Variants in KALRN observed in about 807,000 individuals in gnomAD.
KALRN encodes the protein kalirin RhoGEF kinase.
A neutral mutation model predicts 353.7 loss-of-function variants in KALRN; 70 were observed. The ratio of observed to expected loss-of-function variants is 0.20; its 90% CI spans 0.16 to 0.24. The LOEUF (loss-of-function observed/expected upper bound fraction) is 0.24. Ranked by LOEUF, KALRN falls within the 10% of genes least tolerant of loss-of-function variation. The pLI is 1.00. For missense variants in KALRN, 2,791 were observed against 3,756.7 expected (o/e 0.74, Z 6.72); for synonymous variants, 1,391 against 1,434.8 (o/e 0.97, Z 0.69).
intron 25 of KALRN, among the ~76,000 whole-genome samples, chr3:124,467,989 C>T (rs982658298): frequency 6.6e-6 from 1 of 151,720 alleles, no homozygotes; most frequent in Admixed American, 6.6e-5. Flanking sequence ...TAGGTAGATC[C>T]ATCTGCGGAA....
At position 124,170,831 on chromosome 3, in the gene KALRN, C is replaced by CTTTTTTT. The variant is rs752783614; in HGVS notation, c.74-57126_74-57120dup. On this transcript the variant is annotated intron_variant, in intron 1 of 59. Transcript: ENST00000682506. ...TATAAACTCCTTCCACTTCCACATT[C>CTTTTTTT]TTTTTTTTTTTTTTTTTTTTTTTTT... 1.0e-3 allele frequency among the ~76,000 whole-genome samples: 48 copies of CTTTTTTT among 47,144 alleles called. 9 individuals carry two copies. The highest frequency in any genetic ancestry group is 1.4e-3 in the African/African-American group (18 of 12,580). 30.9% of individuals were successfully genotyped at this position (47,144 alleles called of 152,430 possible).
chr3:124,227,397 A>T (rs1406028154), intron 1 of KALRN, among the ~76,000 whole-genome samples: 2 of 152,102 alleles, frequency 1.3e-5, no homozygotes, highest in Non-Finnish European at 2.9e-5. Flanking sequence ...TGGGGAGAGG[A>T]GTATTGTCAT....
intron 29 of KALRN, among the ~76,000 whole-genome samples, chr3:124,489,199 C>T (rs1221491721): frequency 3.9e-5 from 6 of 151,980 alleles, no homozygotes; most frequent in Non-Finnish European, 5.9e-5. Flanking sequence ...CCCAGCTACT[C>T]GGGAGGCTGA....
intron 10 of KALRN, among the ~76,000 whole-genome samples, chr3:124,371,642 ATTTTTTACTATGTTTAAATTT>A (rs2085852516): frequency 6.6e-6 from 1 of 152,040 alleles, no homozygotes; most frequent in Admixed American, 6.6e-5. Context: ...TCTTTAAAAA[ATTTTTTACTATGTTTAAATTT>A]TTTGTGGGTA....
chr3:124,549,836 C>A (rs111248722), intron 33 of KALRN, among the ~76,000 whole-genome samples: 1,718 of 152,096 alleles, frequency 0.011, 17 homozygotes, highest in South Asian at 0.037. Flanking sequence ...TGGAACATTG[C>A]CCATCCATGG....
chr3:124,376,299 T>G (rs943922419), intron 10 of KALRN, among the ~76,000 whole-genome samples: 1 of 152,232 alleles, frequency 6.6e-6, no homozygotes, highest in Admixed American at 6.5e-5. Context: ...CCTTAGACAC[T>G]TCTTATTTGG....
At chr3:124,425,629 G>A (rs912689159) in intron 15 of KALRN, among the ~76,000 whole-genome samples, 3 of 152,066 alleles carry the variant, frequency 2.0e-5, no homozygotes, top group Non-Finnish European at 4.4e-5. Flanking sequence ...AAAACATAAC[G>A]GGAAAATCAT....
chr3:124,120,383 A>T (rs1444963165), intron 1 of KALRN, among the ~76,000 whole-genome samples: 2 of 152,150 alleles, frequency 1.3e-5, no homozygotes, highest in African/African-American at 4.8e-5. Flanking sequence ...ATCCCCACAG[A>T]TGAAATATGA....
At chr3:124,502,374 C>T (rs1239208018) in intron 33 of KALRN, among the ~76,000 whole-genome samples, 2 of 152,074 alleles carry the variant, frequency 1.3e-5, no homozygotes, top group East Asian at 3.9e-4. Context: ...GGCAAGGGGG[C>T]CAGCCGTTTG....
chr3:124,035,058 T>C (rs1162172772), intron 1 of KALRN, among the ~76,000 whole-genome samples: 4 of 152,124 alleles, frequency 2.6e-5, no homozygotes, highest in Non-Finnish European at 5.9e-5. Flanking sequence ...CTCTAGTTGA[T>C]GTGCAGAGGA....
chr3:124,510,864 A>G (rs1028339008), intron 33 of KALRN, among the ~76,000 whole-genome samples: 44 of 152,176 alleles, frequency 2.9e-4, no homozygotes, highest in African/African-American at 8.7e-4. Context: ...TCTGATATCT[A>G]TGATCAAAAT....
In KALRN at chr3:124,633,901, C is replaced by T; in HGVS notation, c.5516C>T (p.Pro1839Leu). Residue 1839 changes from proline (P) to leucine (L), a missense_variant, in exon 36 of 60, where the codon CCC becomes CTC. Physicochemically the swap from Pro to Leu is moderately conservative, Grantham distance 98 (BLOSUM62 -3). Around this residue, in one of 11 missense-constraint regions of KALRN, gnomAD observed 1,065 missense variants for 1,156.4 expected, o/e 0.92. Transcript: ENST00000682506. ...GAGCCGGATGAAGAGTCACACACACCCCTCCCACCACCTATGAAGATTTTT... is the reference window on the plus strand; with the variant it reads ...GAGCCGGATGAAGAGTCACACACACTCCTCCCACCACCTATGAAGATTTTT... ...EDEPDEESHT[P>L]LPPPMKIFDN... 2 of 1,614,008 alleles carry T rather than the reference C, an allele frequency of 1.2e-6. No individual in the cohort carries two copies. Among genetic ancestry groups the T allele is most frequent in the Non-Finnish European group, 1.7e-6 (2 of 1,179,970 alleles).
In KALRN at chr3:124,694,454, A is replaced by T. The variant is rs374016191; in HGVS notation, c.7528A>T (p.Asn2510Tyr). The T allele has an allele frequency of 1.4e-5, 23 of 1,614,182 alleles. No individual in the cohort carries two copies. The African/African-American group carries it at 3.1e-4, about 22-fold the overall frequency. ...PTITWKGPDQ[N>Y]ILDTDNSSAT... The stretch of plus-strand genomic sequence containing the variant: ...CATCACTTGGAAGGGTCCAGACCAG[A>T]ACATCCTTGACACTGATAACAGCTC... The change falls in exon 53 of 60, where the codon AAC becomes TAC. Residue 2510 changes from asparagine to tyrosine, a missense_variant. By Grantham distance (143) the Asn-to-Tyr change is moderately radical (BLOSUM62 -2). This residue lies in a region of KALRN where 1,065 missense variants were observed against 1,156.4 expected (regional missense o/e 0.92). Coordinates refer to ENST00000682506, the MANE Select transcript of KALRN (RefSeq NM_001388419.1).
intron 6 of KALRN, among the ~76,000 whole-genome samples, chr3:124,304,925 T>G (rs2077565148): frequency 6.6e-6 from 1 of 152,154 alleles, no homozygotes; most frequent in African/African-American, 2.4e-5. Flanking sequence ...GAGACTCCCT[T>G]CTACCCAGCC....
chr3:124,550,229 A>G (rs1339972196), intron 33 of KALRN, among the ~76,000 whole-genome samples: 2 of 152,158 alleles, frequency 1.3e-5, no homozygotes, highest in Admixed American at 6.5e-5. Context: ...AGTTTCTCCA[A>G]AAATATTTTG....
intron 14 of KALRN, among the ~76,000 whole-genome samples, chr3:124,421,969 G>A (rs2289844): frequency 0.066 from 10,104 of 152,288 alleles, 797 homozygotes; most frequent in African/African-American, 0.18. Context: ...TCAGATGGTT[G>A]ACAGTTTATT....
chr3:124,697,859 G>A (rs1345493092), intron 55 of KALRN, 135 bp downstream of exon 55: 3 of 864,832 alleles, frequency 3.5e-6, no homozygotes, highest in Non-Finnish European at 3.4e-6. Flanking sequence ...ACAGGCTATT[G>A]CTATATTGCC....
intron 57 of KALRN, among the ~76,000 whole-genome samples, chr3:124,705,264 T>C (rs1340528335): frequency 1.3e-5 from 2 of 152,236 alleles, no homozygotes; most frequent in Non-Finnish European, 2.9e-5. Flanking sequence ...TCATTGAAAC[T>C]ATAATGCAGG....
Position 124,465,882 on chromosome 3 carries a change from C to T in KALRN, c.4031+3249C>T, listed in dbSNP as rs139866471. ...AGAGAGAAAGGGATTGAGATTGACACGACCTTGCTAACTTAATTAGCTAAG... is the reference window on the plus strand; with the variant it reads ...AGAGAGAAAGGGATTGAGATTGACATGACCTTGCTAACTTAATTAGCTAAG... On this transcript the variant is annotated intron_variant, in intron 25 of 59. Coordinates refer to ENST00000682506, the MANE Select transcript of KALRN (RefSeq NM_001388419.1). Among the ~76,000 whole-genome samples the T allele has an allele frequency of 3.2e-3, 485 of 152,260 alleles. 1 individual carries two copies. Among genetic ancestry groups the T allele is most frequent in the Admixed American group, 7.5e-3 (115 of 15,294 alleles).
Sources: gnomAD v4.1 joint callset for allele counts (sites outside exome capture counted in the v4.1 genomes callset) on GRCh38, gnomAD v4.1.1 for gene constraint, gnomAD v4.1.1 regional missense constraint, MANE v1.5 for transcripts, NCBI Gene and HGNC (gene_info 2026-07-23, HGNC 2026-07-21) for gene names.